Variants in NEMF observed in about 807,000 individuals in gnomAD.
NEMF encodes ribosome quality control complex subunit NEMF.
In NEMF, 89 loss-of-function variants were observed where a neutral mutation model predicts 162.2. That is an observed-to-expected ratio of 0.55 (90% CI 0.46 to 0.65). NEMF has a LOEUF of 0.65. NEMF is among the 30% of genes least tolerant of loss of function. NEMF has a pLI of 0.00. For missense variants in NEMF, 1,133 were observed against 1,261.9 expected (o/e 0.90, Z 1.55); for synonymous variants, 421 against 404.5 (o/e 1.04, Z -0.49).
chr14:49,827,439 G>A (rs909000196), intron 15 of NEMF, among the ~76,000 whole-genome samples: 21 of 151,910 alleles, frequency 1.4e-4, no homozygotes, highest in Non-Finnish European at 2.6e-4. Context: ...CACCGGCCTC[G>A]GCCTTCCAAA....
intron 26 of NEMF, among the ~76,000 whole-genome samples, chr14:49,792,785 C>G (rs975670055): frequency 6.6e-5 from 10 of 152,084 alleles, no homozygotes; most frequent in African/African-American, 2.4e-4. Flanking sequence ...TTAGACCAGC[C>G]TGGGCAAATA....
Position 49,795,785 on chromosome 14 carries a change from G to A in NEMF, c.2619+6C>T, listed in dbSNP as rs759273225. On this transcript the variant is annotated splice_donor_region_variant and intron_variant, in intron 26 of 32. Coordinates refer to ENST00000298310, the MANE Select transcript of NEMF (RefSeq NM_004713.6). ...TGTGAACCATATAGATCATCCTGAAGTTTACCTTTTGTCCTCGTTTCATTG... is the reference window on the plus strand; with the variant it reads ...TGTGAACCATATAGATCATCCTGAAATTTACCTTTTGTCCTCGTTTCATTG... 5 of 1,605,476 alleles carry A rather than the reference G, an allele frequency of 3.1e-6. No individual in the cohort carries two copies. The highest frequency in any genetic ancestry group is 3.5e-5 in the Admixed American group (2 of 56,926).
Position 49,782,610 on chromosome 14 carries a change from C to T in NEMF, c.*2026G>A, listed in dbSNP as rs916389956. On this transcript the variant is annotated 3_prime_UTR_variant, in exon 33 of 33. Coordinates refer to ENST00000298310, the MANE Select transcript of NEMF (RefSeq NM_004713.6). ...CTCTTGTACGGTAAGTAACTTTGTACTTGGCACTTAGATTATTTAAAATTG... is the reference window on the plus strand; with the variant it reads ...CTCTTGTACGGTAAGTAACTTTGTATTTGGCACTTAGATTATTTAAAATTG... The T allele has an allele frequency of 2.9e-5, 46 of 1,578,422 alleles. No individual in the cohort carries two copies. Among genetic ancestry groups the T allele is most frequent in the South Asian group, 5.7e-5 (5 of 88,098 alleles).
chr14:49,834,155 G>A (rs1892782383), intron 7 of NEMF: 1 of 589,416 alleles, frequency 1.7e-6, no homozygotes, highest in Non-Finnish European at 3.1e-6. Context: ...CAGCTGTGCA[G>A]TCACCACCCA....
chr14:49,846,937 A>C (rs1481316009), intron 3 of NEMF, among the ~76,000 whole-genome samples: 3 of 152,068 alleles, frequency 2.0e-5, no homozygotes, highest in Non-Finnish European at 4.4e-5. Flanking sequence ...CCAGACTGGA[A>C]TGCAGTGGCA....
chr14:49,799,375 AGG>A, intron 25 of NEMF, 98 bp downstream of exon 25: 5 of 881,714 alleles, frequency 5.7e-6, no homozygotes, highest in South Asian at 5.2e-5. Context: ...AATTTAATGA[AGG>A]AAGTCTTTAA....
intron 25 of NEMF, chr14:49,796,302 TA>T: frequency 2.2e-6 from 1 of 464,508 alleles, no homozygotes; most frequent in Non-Finnish European, 4.3e-6. Flanking sequence ...AGGCATTCAA[TA>T]AAACATCTGT....
chr14:49,788,946 T>C (rs1387366407), intron 28 of NEMF, among the ~76,000 whole-genome samples, 200 bp downstream of exon 28: 1 of 152,190 alleles, frequency 6.6e-6, no homozygotes, highest in African/African-American at 2.4e-5. Context: ...AAAATTGTTA[T>C]CAGCTATCAG....
chr14:49,800,145 A>C lies in NEMF; in HGVS notation c.2372+275T>G, dbSNP rs539087316. ...CAAAACATTATATAGACTAAAACAC[A>C]TTTCTTTGATGGAATTGCCTTTGTT... On this transcript the variant is annotated intron_variant, in intron 23 of 32. Transcript: ENST00000298310. 2.0e-5 allele frequency among the ~76,000 whole-genome samples: 3 copies of C among 152,032 alleles called. No individual in the cohort carries two copies. In the South Asian group the frequency reaches 6.2e-4, roughly 32 times the overall value.
chr14:49,786,622 T>G, intron 29 of NEMF, 96 bp downstream of exon 29: 5 of 1,227,874 alleles, frequency 4.1e-6, no homozygotes, highest in Non-Finnish European at 5.9e-6. Context: ...CAGTCTTGTC[T>G]TAGGTTTCTA....
chr14:49,816,486 T>G (rs1202586836), intron 16 of NEMF, among the ~76,000 whole-genome samples: 2 of 152,192 alleles, frequency 1.3e-5, no homozygotes, highest in African/African-American at 4.8e-5. Context: ...CCCTCCCCTT[T>G]TGAAATCCTT....
Position 49,829,446 on chromosome 14 carries a change from T to C in NEMF, c.946-20A>G, listed in dbSNP as rs761257586. On this transcript the variant is annotated intron_variant, in intron 11 of 32. Transcript: ENST00000298310. ...CTTTTCCTTTTATTGGCAAAACAGA[T>C]TTTTTAAAAATTAGATTTCTCCTAC... The C allele has an allele frequency of 1.9e-6, 3 of 1,600,852 alleles. No individual in the cohort carries two copies. Among genetic ancestry groups the C allele is most frequent in the East Asian group, 2.2e-5 (1 of 44,726 alleles).
rs1184234661 is a variant in NEMF, at chr14:49,784,674, C to T, written c.3193G>A (p.Val1065Met). The T allele has an allele frequency of 6.2e-7, 1 of 1,612,690 alleles. No individual in the cohort carries two copies. Among genetic ancestry groups the T allele is most frequent in the South Asian group, 1.1e-5 (1 of 90,764 alleles). The part of the protein sequence containing the change: ...LSRNIPGKVK[V>M]SAPNLLNVKR... ...ACGTTCAGAAGATTGGGTGCAGACA[C>T]TTTCACTTTGCCAGGAATGTTTCTT... The change falls in exon 33 of 33, where the codon GTG (valine) becomes ATG (methionine). Residue 1065 changes from valine to methionine, a missense_variant. Physicochemically the swap from Val to Met is conservative, Grantham distance 21 (BLOSUM62 1). Around this residue, in one of 3 missense-constraint regions of NEMF, gnomAD observed 532 missense variants for 578.6 expected, o/e 0.92. Transcript: ENST00000298310.
chr14:49,849,511 C>T (rs887903180), intron 3 of NEMF: 12 of 152,240 alleles, frequency 7.9e-5, no homozygotes, highest in African/African-American at 2.7e-4. Flanking sequence ...ACAGTAACAG[C>T]TCTTTGATTT....
Position 49,786,739 on chromosome 14 carries a change from A to C in NEMF, c.2907T>G (p.Asp969Glu). 1 of 1,613,444 alleles carries C rather than the reference A, an allele frequency of 6.2e-7. No individual in the cohort carries two copies. The highest frequency in any genetic ancestry group is 8.5e-7 in the Non-Finnish European group (1 of 1,179,500). The stretch of plus-strand genomic sequence containing the variant: ...ATACCTCATTTCCCTGTTGATCCAG[A>C]TCTTGCTCTTCCTGTTCCGAACATA... The part of the protein sequence containing the change: ...DDPHDDKEEQ[D>E]LDQQGNEENL... Residue 969 changes from aspartate to glutamate, a missense_variant, in exon 29 of 33, where the codon GAT (aspartate) becomes GAG (glutamate). Coordinates refer to ENST00000298310, the MANE Select transcript of NEMF (RefSeq NM_004713.6).
rs149837798 is a variant in NEMF at position 49,850,588 on chromosome 14, A to C, written c.231+975T>G. 2.5e-3 allele frequency among the ~76,000 whole-genome samples: 385 copies of C among 152,334 alleles called. 3 individuals carry two copies. The highest frequency in any genetic ancestry group is 9.1e-3 in the African/African-American group (378 of 41,566). ...GTCTCGTGTACCACATGAATTTTCA[A>C]TCTATATGTTACATCAATAAAAGAA... On this transcript the variant is annotated intron_variant, in intron 3 of 32. Coordinates refer to ENST00000298310, the MANE Select transcript of NEMF (RefSeq NM_004713.6).
chr14:49,820,687 G>T (rs1429393824), intron 16 of NEMF, among the ~76,000 whole-genome samples: 1 of 152,106 alleles, frequency 6.6e-6, no homozygotes, highest in Non-Finnish European at 1.5e-5. Flanking sequence ...GGACTGTGCT[G>T]CTGCCATCTC....
At position 49,836,157 on chromosome 14, in the gene NEMF, T is replaced by A. The variant is rs576606706; in HGVS notation, c.575-1708A>T. On this transcript the variant is annotated intron_variant, in intron 6 of 32. Transcript: ENST00000298310. Reference sequence around the variant, plus strand: ...TAGTGGGTGTAGTGGCATACACTTGTAATCCCAGCTACGTGGGAGGCTGAG... The same window carrying A: ...TAGTGGGTGTAGTGGCATACACTTGAAATCCCAGCTACGTGGGAGGCTGAG... Among the ~76,000 whole-genome samples, 16 of 152,302 alleles carry A rather than the reference T, an allele frequency of 1.1e-4. No homozygotes were observed. The South Asian group carries it at 2.3e-3, about 22-fold the overall frequency.
rs1029211709 is a variant in NEMF at position 49,782,724 on chromosome 14, A to C, written c.*1912T>G. On this transcript the variant is annotated 3_prime_UTR_variant, in exon 33 of 33. Coordinates refer to ENST00000298310, the MANE Select transcript of NEMF (RefSeq NM_004713.6). ...TTCATTGCTATAACCAGTTCCTATG[A>C]AAATCTTTGAAGAAAGAAAGAGGGA... The C allele has an allele frequency of 8.7e-5, 125 of 1,430,104 alleles. No individual in the cohort carries two copies. The highest frequency in any genetic ancestry group is 1.1e-4 in the Non-Finnish European group (119 of 1,048,388). The allele number at this position is 1,430,104 out of a possible 1,614,324, so 88.6% of individuals were successfully genotyped here.
Sources: allele counts gnomAD v4.1 joint callset (sites outside exome capture counted in the v4.1 genomes callset), GRCh38; gene constraint gnomAD v4.1.1; regional missense constraint gnomAD v4.1.1; transcripts MANE v1.5; gene names NCBI Gene and HGNC (gene_info 2026-07-23, HGNC 2026-07-21).